Variants in SNAP91 observed in about 807,000 individuals in gnomAD.
SNAP91 encodes synaptosome associated protein 91.
In SNAP91, 27 loss-of-function variants were observed where a neutral mutation model predicts 100.3. That is an observed-to-expected ratio of 0.27 (90% CI 0.20 to 0.37). SNAP91 has a LOEUF of 0.37. Ranked by LOEUF, SNAP91 falls within the 10% of genes least tolerant of loss-of-function variation. The probability of loss-of-function intolerance (pLI) is 1.00; values close to 1 mark genes in which losing one functional copy is unlikely to be tolerated. For missense variants in SNAP91, 986 were observed against 1,123.7 expected, an observed-to-expected ratio of 0.88 and a Z score of 1.75; for synonymous variants, 404 against 398.6, an observed-to-expected ratio of 1.01 and a Z score of -0.16.
chr6:83,582,649 AAT>A (rs1246680687), intron 22 of SNAP91, among the ~76,000 whole-genome samples: 1 of 152,252 alleles, frequency 6.6e-6, no homozygotes. Flanking sequence ...TATATAAACA[AAT>A]AAGGTATCAC....
intron 2 of SNAP91, among the ~76,000 whole-genome samples, chr6:83,678,471 C>G (rs925505691): frequency 6.6e-6 from 1 of 152,112 alleles, no homozygotes; most frequent in African/African-American, 2.4e-5. Flanking sequence ...ACTCAAAAAG[C>G]AGACACAAGG....
chr6:83,575,165 A>C, intron 25 of SNAP91, 44 bp from the exon 26 acceptor site: 1 of 1,345,464 alleles, frequency 7.4e-7, no homozygotes, highest in Non-Finnish European at 1.0e-6. Context: ...AAAAAATCAC[A>C]AATCAGAAAA....
chr6:83,707,750 A>G (rs767098855), intron 2 of SNAP91, 48 bp downstream of exon 2: 31 of 1,604,746 alleles, frequency 1.9e-5, no homozygotes, highest in Non-Finnish European at 2.6e-5. Flanking sequence ...CCAGCATCCC[A>G]GGCGCCTCTG....
intron 28 of SNAP91, among the ~76,000 whole-genome samples, chr6:83,559,788 T>C (rs756186867): frequency 1.3e-5 from 2 of 152,204 alleles, no homozygotes; most frequent in East Asian, 1.9e-4. Flanking sequence ...TGGGAACACA[T>C]ACTAAAACTA....
intron 6 of SNAP91, among the ~76,000 whole-genome samples, chr6:83,657,395 T>C (rs929606017): frequency 2.6e-5 from 4 of 152,212 alleles, no homozygotes; most frequent in Admixed American, 1.3e-4. Context: ...TCAATCCTTT[T>C]CTTTTTCCCT....
chr6:83,642,957 T>A (rs2097770811), intron 7 of SNAP91, among the ~76,000 whole-genome samples: 1 of 152,256 alleles, frequency 6.6e-6, no homozygotes, highest in South Asian at 2.1e-4. Flanking sequence ...TGAGCATTTT[T>A]TCATGTGTCT....
chr6:83,652,080 ATG>A (rs2098232178), intron 7 of SNAP91, among the ~76,000 whole-genome samples: 1 of 152,118 alleles, frequency 6.6e-6, no homozygotes, highest in South Asian at 2.1e-4. Flanking sequence ...CTCTTAATTT[ATG>A]TGTGTCTTTA....
Position 83,593,168 on chromosome 6 carries a change from T to A in SNAP91, c.1774+14A>T. 1.3e-6 allele frequency: 2 copies of A among 1,573,796 alleles called. No individual in the cohort carries two copies. The highest frequency in any genetic ancestry group is 1.7e-6 in the Non-Finnish European group (2 of 1,159,076). On this transcript the variant is annotated intron_variant, in intron 19 of 29. Transcript: ENST00000369694. Reference sequence around the variant, plus strand: ...AGAAACTAAAGTGAAAAAAAAGGGTTGCTTTGGTTTTACCTGTACTAAACA... The same window carrying A: ...AGAAACTAAAGTGAAAAAAAAGGGTAGCTTTGGTTTTACCTGTACTAAACA...
intron 22 of SNAP91, among the ~76,000 whole-genome samples, chr6:83,587,754 A>AT (rs1293543564): frequency 6.6e-6 from 1 of 152,096 alleles, no homozygotes. Flanking sequence ...TATTAGCAGA[A>AT]TTTTTTTCAT....
At chr6:83,587,858 A>T (rs1228656596) in intron 22 of SNAP91, among the ~76,000 whole-genome samples, 2 of 152,194 alleles carry the variant, frequency 1.3e-5, no homozygotes, top group Non-Finnish European at 2.9e-5. Context: ...TGAGAATATG[A>T]CTTCCTTATG....
intron 23 of SNAP91, among the ~76,000 whole-genome samples, 167 bp from the exon 24 acceptor site, chr6:83,580,766 T>C (rs948363907): frequency 1.3e-5 from 2 of 152,160 alleles, no homozygotes; most frequent in African/African-American, 4.8e-5. Context: ...AAGAAGAACA[T>C]GTCGACATAT....
chr6:83,579,377 G>A (rs777258137), intron 24 of SNAP91, among the ~76,000 whole-genome samples: 2 of 152,056 alleles, frequency 1.3e-5, no homozygotes, highest in Admixed American at 6.6e-5. Context: ...TGAAATTTTA[G>A]TATAGGAGGA....
At chr6:83,567,973 G>A (rs1402516254) in intron 26 of SNAP91, among the ~76,000 whole-genome samples, 1 of 151,828 alleles carries the variant, frequency 6.6e-6, no homozygotes, top group East Asian at 1.9e-4. Context: ...AATACCATTT[G>A]ACCCAGCCAT....
At chr6:83,614,755 T>A (rs2096377727) in intron 11 of SNAP91, 102 bp downstream of exon 11, 1 of 828,924 alleles carries the variant, frequency 1.2e-6, no homozygotes, top group African/African-American at 1.7e-5. Flanking sequence ...GGGACAGAAA[T>A]CAGTTTTAAA....
chr6:83,605,148 CTCAG>C (rs1418714537), intron 14 of SNAP91, among the ~76,000 whole-genome samples: 5 of 93,594 alleles, frequency 5.3e-5, no homozygotes, highest in Admixed American at 1.0e-4. Flanking sequence ...TGTGATTCCT[CTCAG>C]TCAATCAGTT....
chr6:83,617,733 A>G (rs1344253780), intron 9 of SNAP91, among the ~76,000 whole-genome samples: 1 of 151,872 alleles, frequency 6.6e-6, no homozygotes, highest in African/African-American at 2.4e-5. Context: ...ATAATATTTT[A>G]GGCAATATAA....
intron 7 of SNAP91, among the ~76,000 whole-genome samples, chr6:83,644,476 C>T (rs2097841215): frequency 6.6e-6 from 1 of 152,122 alleles, no homozygotes; most frequent in Non-Finnish European, 1.5e-5. Flanking sequence ...AAATGAGCCT[C>T]TACCTTTCTT....
intron 2 of SNAP91, among the ~76,000 whole-genome samples, chr6:83,684,650 G>A (rs1285455563): frequency 6.6e-5 from 10 of 152,104 alleles, no homozygotes; most frequent in Non-Finnish European, 1.2e-4. Context: ...TGCTTCACCA[G>A]CAAAATTCCT....
chr6:83,701,901 C>T (rs542989292), intron 2 of SNAP91, among the ~76,000 whole-genome samples: 21 of 152,326 alleles, frequency 1.4e-4, no homozygotes, highest in Admixed American at 1.2e-3. Context: ...CAGGGTACAA[C>T]TGTCTCTGGT....
Sources: gnomAD v4.1 joint callset for allele counts (sites outside exome capture counted in the v4.1 genomes callset) on GRCh38, gnomAD v4.1.1 for gene constraint, MANE v1.5 for transcripts, NCBI Gene and HGNC (gene_info 2026-07-23, HGNC 2026-07-21) for gene names.